Variants in NFIB observed in about 807,000 individuals in gnomAD.
NFIB encodes nuclear factor 1 B-type.
Under a neutral mutation model 61.5 loss-of-function variants are expected in NFIB, and 11 were observed. The ratio of observed to expected loss-of-function variants is 0.18; its 90% CI spans 0.11 to 0.30. NFIB has a LOEUF of 0.30. Ranked by LOEUF, NFIB falls within the 10% of genes least tolerant of loss-of-function variation. The pLI, the probability that NFIB is intolerant of heterozygous loss-of-function variation, is 1.00. For synonymous variants in NFIB, 260 were observed against 216.5 expected (o/e 1.20, Z -1.76); for missense variants, 471 against 608.9 (o/e 0.77, Z 2.38).
intron 1 of NFIB, among the ~76,000 whole-genome samples, chr9:14,326,698 G>T (rs77340984): frequency 8.0e-6 from 1 of 125,472 alleles, no homozygotes; most frequent in Non-Finnish European, 1.6e-5. Context: ...GTGGTTTACA[G>T]AAAAAAAAAA....
At chr9:14,490,565 C>T in the NFIB span, among the ~76,000 whole-genome samples, 1 of 151,924 alleles carries the variant, frequency 6.6e-6, no homozygotes, top group Non-Finnish European at 1.5e-5. Flanking sequence ...TTGACAAAGG[C>T]TTAGTATTCA....
chr9:14,520,325 C>T, the NFIB span, among the ~76,000 whole-genome samples: 1 of 152,176 alleles, frequency 6.6e-6, no homozygotes, highest in Non-Finnish European at 1.5e-5. Flanking sequence ...AAATAAGGGT[C>T]TGTCTTAATA....
upstream of NFIB, among the ~76,000 whole-genome samples, chr9:14,403,005 C>T (rs1442642379): frequency 6.6e-6 from 1 of 152,192 alleles, no homozygotes; most frequent in African/African-American, 2.4e-5. Flanking sequence ...ATTTGAAATA[C>T]TGAATCTGGA....
intron 2 of NFIB, among the ~76,000 whole-genome samples, chr9:14,218,803 A>C (rs1239207195): frequency 6.6e-6 from 1 of 152,186 alleles, no homozygotes; most frequent in Non-Finnish European, 1.5e-5. Context: ...ATTAACTTTT[A>C]GCCTTGTTAA....
intron 8 of NFIB, among the ~76,000 whole-genome samples, chr9:14,118,693 A>G (rs1349116198): frequency 1.3e-5 from 2 of 151,994 alleles, no homozygotes; most frequent in African/African-American, 4.8e-5. Context: ...GCATTAGGAA[A>G]GGATTATTCT....
At chr9:14,197,938 G>A (rs532274506) in intron 2 of NFIB, among the ~76,000 whole-genome samples, 141 of 152,084 alleles carry the variant, frequency 9.3e-4, no homozygotes, top group Non-Finnish European at 1.9e-3. Flanking sequence ...AAATTAAACT[G>A]AGCTTAGGAA....
chr9:14,229,817 A>C (rs1363053590), intron 2 of NFIB, among the ~76,000 whole-genome samples: 3 of 152,136 alleles, frequency 2.0e-5, no homozygotes, highest in Non-Finnish European at 4.4e-5. Context: ...CCCATCCTGC[A>C]GCCACTAACA....
At chr9:14,336,695 G>A (rs58106591) in intron 1 of NFIB, among the ~76,000 whole-genome samples, 7,340 of 152,278 alleles carry the variant, frequency 0.048, 588 homozygotes, top group African/African-American at 0.17. Flanking sequence ...TGCTTAGAAA[G>A]CTCCTGTGCT....
At chr9:14,200,340 T>C (rs2048898459) in intron 2 of NFIB, among the ~76,000 whole-genome samples, 2 of 152,130 alleles carry the variant, frequency 1.3e-5, no homozygotes, top group Admixed American at 1.3e-4. Context: ...AGAATATTCA[T>C]CCTTTAAGCA....
At chr9:14,489,611 C>T in the NFIB span, among the ~76,000 whole-genome samples, 1 of 152,104 alleles carries the variant, frequency 6.6e-6, no homozygotes, top group African/African-American at 2.4e-5. Context: ...AGGCTACTAG[C>T]CTCCTGGTTC....
intron 3 of NFIB, among the ~76,000 whole-genome samples, chr9:14,162,997 A>C (rs1295668310): frequency 6.6e-6 from 1 of 152,018 alleles, no homozygotes; most frequent in African/African-American, 2.4e-5. Flanking sequence ...CTGGGGCAAG[A>C]CTATCACCAT....
the NFIB span, among the ~76,000 whole-genome samples, chr9:14,451,597 A>G: frequency 6.6e-6 from 1 of 152,260 alleles, no homozygotes; most frequent in African/African-American, 2.4e-5. Flanking sequence ...ATAGTTTCTA[A>G]GCATCATCAA....
At chr9:14,394,868 T>G (rs2061664295) in intron 1 of NFIB, among the ~76,000 whole-genome samples, 1 of 152,188 alleles carries the variant, frequency 6.6e-6, no homozygotes, top group South Asian at 2.1e-4. Flanking sequence ...TAAAAGTTCC[T>G]GACACGGGAG....
At chr9:14,248,232 C>T (rs2055158962) in intron 2 of NFIB, among the ~76,000 whole-genome samples, 1 of 151,374 alleles carries the variant, frequency 6.6e-6, no homozygotes, top group African/African-American at 2.4e-5. Context: ...TCCTTCCATC[C>T]TAGCAATCCT....
chr9:14,481,081 G>A, the NFIB span, among the ~76,000 whole-genome samples: 10 of 150,854 alleles, frequency 6.6e-5, no homozygotes, highest in Admixed American at 2.0e-4. Context: ...TGCAAAGCAA[G>A]TAGGAAGCGC....
chr9:14,469,236 T>A, the NFIB span, among the ~76,000 whole-genome samples: 37 of 152,278 alleles, frequency 2.4e-4, no homozygotes, highest in East Asian at 7.1e-3. Context: ...AAGACTCAGT[T>A]TTATCATACG....
chr9:14,146,594 A>C lies in NFIB; in HGVS notation c.925+95T>G, dbSNP rs2042300485. ...ATTTTATGAAAAAAATATACAATCC[A>C]TATTGGTTTAATTATGAAATTTTGA... On this transcript the variant is annotated intron_variant, in intron 6 of 10. Transcript: ENST00000380953. 7.9e-6 allele frequency: 12 copies of C among 1,527,174 alleles called. No individual in the cohort carries two copies. In the South Asian group the frequency reaches 1.2e-4, roughly 15 times the overall value. 94.6% of individuals were successfully genotyped at this position (1,527,174 alleles called of 1,614,324 possible). A position where few individuals can be genotyped will look rare whatever the true frequency, so the allele number is the denominator to read the frequency against.
the NFIB span, among the ~76,000 whole-genome samples, chr9:14,477,279 A>G: frequency 2.0e-5 from 3 of 152,348 alleles, no homozygotes; most frequent in Non-Finnish European, 2.9e-5. Context: ...CTATGATTAA[A>G]AAAAGAAAAT....
chr9:14,470,004 C>T, the NFIB span, among the ~76,000 whole-genome samples: 1 of 152,188 alleles, frequency 6.6e-6, no homozygotes, highest in Non-Finnish European at 1.5e-5. Flanking sequence ...CAGAGATTCA[C>T]ACGGGGATGC....
Sources: gnomAD v4.1 joint callset for allele counts (sites outside exome capture counted in the v4.1 genomes callset) on GRCh38, gnomAD v4.1.1 for gene constraint, MANE v1.5 for transcripts, NCBI Gene and HGNC (gene_info 2026-07-23, HGNC 2026-07-21) for gene names.